The following CACNA2D3 variants were observed in gnomAD, a reference collection of about 807,000 sequenced individuals.
CACNA2D3 encodes the protein voltage-dependent calcium channel subunit alpha-2/delta-3.
Under a neutral mutation model 160.6 loss-of-function variants are expected in CACNA2D3, and 60 were observed. That is an observed-to-expected ratio of 0.37 (90% CI 0.30 to 0.46). CACNA2D3 has a LOEUF of 0.46. Ranked by LOEUF, CACNA2D3 falls within the 20% of genes least tolerant of loss-of-function variation. The pLI is 1.00. For missense variants in CACNA2D3, 1,205 were observed against 1,365.0 expected (o/e 0.88, Z 1.85); for synonymous variants, 558 against 492.9 (o/e 1.13, Z -1.75).
At chr3:54,978,027 A>G (rs577982059) in intron 29 of CACNA2D3, among the ~76,000 whole-genome samples, 1 of 152,236 alleles carries the variant, frequency 6.6e-6, no homozygotes, top group South Asian at 2.1e-4. Flanking sequence ...GTAAACTGTC[A>G]TGGCACTGGT....
intron 25 of CACNA2D3, 113 bp downstream of exon 25, chr3:54,891,563 A>G: frequency 1.3e-6 from 1 of 798,044 alleles, no homozygotes; most frequent in Non-Finnish European, 2.0e-6. Flanking sequence ...AATTTAGGCC[A>G]CCCCAGGCCT....
intron 13 of CACNA2D3, among the ~76,000 whole-genome samples, chr3:54,774,203 T>C (rs1377255151): frequency 1.3e-5 from 2 of 152,206 alleles, no homozygotes; most frequent in African/African-American, 2.4e-5. Flanking sequence ...TGTATTAGTT[T>C]CTTCTCGCAT....
intron 2 of CACNA2D3, among the ~76,000 whole-genome samples, chr3:54,204,814 A>G (rs1455297350): frequency 2.0e-5 from 3 of 150,834 alleles, no homozygotes; most frequent in Admixed American, 6.6e-5. Flanking sequence ...AAAAAAAAAA[A>G]AAAAAAGAAA....
chr3:54,790,543 A>G (rs1702732699), intron 13 of CACNA2D3, among the ~76,000 whole-genome samples: 1 of 152,182 alleles, frequency 6.6e-6, no homozygotes, highest in Non-Finnish European at 1.5e-5. Context: ...AACTTTAAAA[A>G]CAGCTAGGGC....
chr3:54,301,360 A>G (rs2107490030), intron 2 of CACNA2D3, among the ~76,000 whole-genome samples: 1 of 152,050 alleles, frequency 6.6e-6, no homozygotes, highest in South Asian at 2.1e-4. Context: ...GCACTTTGGG[A>G]GGCCAAGGCA....
At chr3:54,780,646 T>G (rs1316854882) in intron 13 of CACNA2D3, among the ~76,000 whole-genome samples, 1 of 152,230 alleles carries the variant, frequency 6.6e-6, no homozygotes, top group African/African-American at 2.4e-5. Context: ...TGCTCTCTGC[T>G]TTTAATTACC....
chr3:54,463,684 C>A (rs969717835), intron 4 of CACNA2D3, among the ~76,000 whole-genome samples: 1 of 152,260 alleles, frequency 6.6e-6, no homozygotes, highest in East Asian at 1.9e-4. Context: ...AGTTTTTAAT[C>A]AAAGTTTTTA....
intron 35 of CACNA2D3, among the ~76,000 whole-genome samples, chr3:55,063,830 G>A (rs902724766): frequency 3.9e-5 from 6 of 152,210 alleles, no homozygotes; most frequent in African/African-American, 1.4e-4. Context: ...AGGGAGACCA[G>A]TTGGAAGATA....
intron 5 of CACNA2D3, among the ~76,000 whole-genome samples, chr3:54,550,825 G>C (rs1301636343): frequency 6.6e-6 from 1 of 152,168 alleles, no homozygotes; most frequent in African/African-American, 2.4e-5. Context: ...GCAGAAGAGA[G>C]CTTCAACAGC....
At chr3:54,684,073 C>T (rs768780460) in intron 11 of CACNA2D3, among the ~76,000 whole-genome samples, 6 of 148,922 alleles carry the variant, frequency 4.0e-5, no homozygotes, top group Non-Finnish European at 5.9e-5. Context: ...CAGGTTCAAG[C>T]GATTCTCCTG....
chr3:54,540,343 G>A (rs911952843), intron 5 of CACNA2D3, among the ~76,000 whole-genome samples: 2 of 152,180 alleles, frequency 1.3e-5, no homozygotes, highest in African/African-American at 4.8e-5. Flanking sequence ...GAACTGCGAA[G>A]CTGCTGCTAA....
intron 4 of CACNA2D3, among the ~76,000 whole-genome samples, chr3:54,420,693 A>G (rs941599778): frequency 9.9e-5 from 15 of 152,220 alleles, no homozygotes; most frequent in Non-Finnish European, 1.6e-4. Context: ...GAGATGTACT[A>G]TTATTGCCCC....
At chr3:54,847,843 T>C (rs1698968829) in intron 17 of CACNA2D3, among the ~76,000 whole-genome samples, 1 of 152,022 alleles carries the variant, frequency 6.6e-6, no homozygotes, top group South Asian at 2.1e-4. Flanking sequence ...GCATCATTTG[T>C]TGGAAGTAAG....
At chr3:54,169,279 C>T (rs1042364192) in intron 2 of CACNA2D3, among the ~76,000 whole-genome samples, 76 of 152,246 alleles carry the variant, frequency 5.0e-4, no homozygotes, top group African/African-American at 1.8e-3. Flanking sequence ...TGATTAGGGT[C>T]CATGCCTACC....
At chr3:54,463,844 G>T (rs1481693302) in intron 4 of CACNA2D3, among the ~76,000 whole-genome samples, 1 of 152,122 alleles carries the variant, frequency 6.6e-6, no homozygotes, top group East Asian at 1.9e-4. Flanking sequence ...GAGGAGAGGC[G>T]CTCTGCTTTT....
chr3:54,989,863 G>C (rs1266416088), intron 31 of CACNA2D3, among the ~76,000 whole-genome samples: 2 of 152,180 alleles, frequency 1.3e-5, no homozygotes, highest in South Asian at 2.1e-4. Context: ...GACACCATAT[G>C]ATGGGTCTCT....
chr3:54,605,571 A>C (rs1698587711), intron 9 of CACNA2D3, among the ~76,000 whole-genome samples: 1 of 151,876 alleles, frequency 6.6e-6, no homozygotes, highest in Non-Finnish European at 1.5e-5. Flanking sequence ...CACCCAACCC[A>C]CCATACAGAA....
chr3:54,403,956 C>T (rs1699524182), intron 4 of CACNA2D3, among the ~76,000 whole-genome samples: 1 of 152,046 alleles, frequency 6.6e-6, no homozygotes, highest in Non-Finnish European at 1.5e-5. Context: ...AAATGCAAAG[C>T]CCGCATAGAG....
intron 31 of CACNA2D3, among the ~76,000 whole-genome samples, chr3:55,000,545 T>C (rs1467253206): frequency 6.6e-6 from 1 of 152,174 alleles, no homozygotes; most frequent in African/African-American, 2.4e-5. Context: ...GTTCTGCGCA[T>C]GTATACTATA....
Sources: allele counts gnomAD v4.1 joint callset (sites outside exome capture counted in the v4.1 genomes callset), GRCh38; gene constraint gnomAD v4.1.1; transcripts MANE v1.5; gene names NCBI Gene and HGNC (gene_info 2026-07-23, HGNC 2026-07-21).